VAT1L: variants seen among roughly 807,000 people sequenced by gnomAD.
VAT1L encodes the protein vesicle amine transport 1 like.
VAT1L carries 34 observed loss-of-function variants against 44.1 expected under a neutral mutation model. That is an observed-to-expected ratio of 0.77 (90% CI 0.59 to 1.03). The LOEUF is 1.03. VAT1L is among the 50% of genes least tolerant of loss of function. The pLI is 0.00. For synonymous variants in VAT1L, 253 were observed against 202.2 expected (o/e 1.25, Z -2.13); for missense variants, 615 against 538.8 (o/e 1.14, Z -1.40).
intron 7 of VAT1L, among the ~76,000 whole-genome samples, chr16:77,971,049 C>T (rs902849054): frequency 2.0e-5 from 3 of 151,854 alleles, no homozygotes; most frequent in East Asian, 1.9e-4. Context: ...TGCATTTCCA[C>T]GCAGATTTCA....
intron 7 of VAT1L, among the ~76,000 whole-genome samples, chr16:77,934,846 C>G (rs2017773727): frequency 2.0e-5 from 3 of 152,156 alleles, no homozygotes; most frequent in African/African-American, 7.2e-5. Context: ...GGTCTTATAT[C>G]AGACAATGGA....
chr16:77,864,669 T>C (rs911701655), intron 4 of VAT1L, among the ~76,000 whole-genome samples: 1 of 152,204 alleles, frequency 6.6e-6, no homozygotes, highest in Non-Finnish European at 1.5e-5. Flanking sequence ...GACAAGTGGA[T>C]GGGAGAGCTG....
At chr16:77,838,291 T>C (rs987107406) in intron 3 of VAT1L, among the ~76,000 whole-genome samples, 3 of 152,180 alleles carry the variant, frequency 2.0e-5, no homozygotes, top group Non-Finnish European at 4.4e-5. Flanking sequence ...ATTGCCTTTA[T>C]TAAGAAGAAA....
rs1310706617 is a variant in VAT1L at position 77,878,510 on chromosome 16, A to C, written c.827-659A>C. ...ATAAAGGGTCTTTACTCTCCGTATG[A>C]GAATCTTAGGGAATCTTTCCCAACT... is the stretch of plus-strand genomic sequence containing the variant. On this transcript the variant is annotated intron_variant, in intron 5 of 8. Transcript: ENST00000302536. 4.6e-5 allele frequency among the ~76,000 whole-genome samples: 7 copies of C among 150,896 alleles called. 1 individual carries two copies. Among genetic ancestry groups the C allele is most frequent in the African/African-American group, 1.7e-4 (7 of 40,918 alleles).
At chr16:77,826,488 T>C (rs2016524784) in intron 3 of VAT1L, among the ~76,000 whole-genome samples, 1 of 152,228 alleles carries the variant, frequency 6.6e-6, no homozygotes, top group Non-Finnish European at 1.5e-5. Context: ...TAAACCTAAG[T>C]ACATTCATGA....
At chr16:77,856,627 G>T (rs1296666798) in intron 3 of VAT1L, among the ~76,000 whole-genome samples, 1 of 152,206 alleles carries the variant, frequency 6.6e-6, no homozygotes, top group African/African-American at 2.4e-5. Context: ...CAGCTCCCTT[G>T]TTACCACAGT....
chr16:77,899,951 G>C lies in VAT1L; in HGVS notation c.1077+15149G>C, dbSNP rs116461191. Among the ~76,000 whole-genome samples the C allele has an allele frequency of 4.1e-3, 628 of 152,244 alleles. 5 individuals carry two copies. Among genetic ancestry groups the C allele is most frequent in the African/African-American group, 0.015 (603 of 41,544 alleles). On this transcript the variant is annotated intron_variant, in intron 7 of 8. Coordinates refer to ENST00000302536, the MANE Select transcript of VAT1L (RefSeq NM_020927.3). ...AATTTCATTGCATTTTTATTGTTTG[G>C]CAGTTGGACATACTCCACATGAGCA...
chr16:77,967,349 C>G (rs941017969), intron 7 of VAT1L, among the ~76,000 whole-genome samples: 4 of 152,314 alleles, frequency 2.6e-5, no homozygotes, highest in African/African-American at 9.6e-5. Context: ...CTGATGCAGA[C>G]ACTTCTAAGA....
At chr16:77,820,384 C>T (rs1202745880) in intron 2 of VAT1L, among the ~76,000 whole-genome samples, 1 of 152,186 alleles carries the variant, frequency 6.6e-6, no homozygotes, top group East Asian at 1.9e-4. Flanking sequence ...CCCCTAAAAT[C>T]AGCAAAAACA....
intron 1 of VAT1L, among the ~76,000 whole-genome samples, chr16:77,805,855 T>C (rs7189689): frequency 0.017 from 2,446 of 147,286 alleles, 84 homozygotes; most frequent in African/African-American, 0.058. Flanking sequence ...ATTTTTTCCT[T>C]AGTCTCTGCC....
chr16:77,905,895 G>A (rs1229373071), intron 7 of VAT1L, among the ~76,000 whole-genome samples: 5 of 152,164 alleles, frequency 3.3e-5, no homozygotes, highest in African/African-American at 1.2e-4. Context: ...GATCTAGGAG[G>A]TTTACGCTTA....
At chr16:77,819,712 T>C (rs1167822377) in intron 2 of VAT1L, among the ~76,000 whole-genome samples, 1 of 152,222 alleles carries the variant, frequency 6.6e-6, no homozygotes, top group Non-Finnish European at 1.5e-5. Context: ...ATTCACTAAT[T>C]GGTCTTCACC....
At chr16:77,947,437 G>A (rs1235184701) in intron 7 of VAT1L, among the ~76,000 whole-genome samples, 2 of 152,118 alleles carry the variant, frequency 1.3e-5, no homozygotes, top group African/African-American at 4.8e-5. Context: ...TCAAATCTTG[G>A]TCTCACCCCG....
rs191359154 is a variant in VAT1L, at chr16:77,897,218, T to C, written c.1077+12416T>C. 4.5e-3 allele frequency among the ~76,000 whole-genome samples: 687 copies of C among 152,334 alleles called. 5 individuals carry two copies. The highest frequency in any genetic ancestry group is 6.2e-3 in the Non-Finnish European group (425 of 68,022). On this transcript the variant is annotated intron_variant, in intron 7 of 8. Coordinates refer to ENST00000302536, the MANE Select transcript of VAT1L (RefSeq NM_020927.3). ...CACATCCTGGCAGATAAACATGCTG[T>C]GGATATTACCACTACCCCCACCTCT...
chr16:77,884,101 C>T lies in VAT1L; in HGVS notation c.883-507C>T, dbSNP rs2017183129. ...GCTCTCTCTCCCACTTAGACCTGAG[C>T]GTCTCATAAGCATCAATGTCTATTG... On this transcript the variant is annotated intron_variant, in intron 6 of 8. Transcript: ENST00000302536. This position sits in a 1 kb window ranked among gnomAD's most constrained non-coding sequence, Gnocchi z 4.5. 6.6e-6 allele frequency among the ~76,000 whole-genome samples: 1 copy of T among 152,144 alleles called. No individual in the cohort carries two copies. Among genetic ancestry groups the T allele is most frequent in the Non-Finnish European group, 1.5e-5 (1 of 68,036 alleles).
At chr16:77,875,114 AC>A (rs1239266989) in intron 4 of VAT1L, among the ~76,000 whole-genome samples, 11 of 152,184 alleles carry the variant, frequency 7.2e-5, no homozygotes, top group Non-Finnish European at 2.9e-5. Context: ...TTAAGAGGAC[AC>A]CCCTGTGCAG....
intron 7 of VAT1L, among the ~76,000 whole-genome samples, chr16:77,905,631 G>A (rs2142480110): frequency 6.6e-6 from 1 of 152,254 alleles, no homozygotes; most frequent in East Asian, 1.9e-4. Flanking sequence ...TAGGTTGGCA[G>A]CCTTCCCTGC....
At chr16:77,935,563 GC>G (rs1434856757) in intron 7 of VAT1L, among the ~76,000 whole-genome samples, 1 of 151,814 alleles carries the variant, frequency 6.6e-6, no homozygotes, top group East Asian at 1.9e-4. Flanking sequence ...GGGGGCGGTG[GC>G]GGGGAAGGGA....
At chr16:77,848,854 G>A (rs192410001) in intron 3 of VAT1L, among the ~76,000 whole-genome samples, 44 of 152,266 alleles carry the variant, frequency 2.9e-4, no homozygotes, top group African/African-American at 8.9e-4. Flanking sequence ...GGAATACCAT[G>A]CAGCCATAAA....
Sources: allele counts gnomAD v4.1 joint callset (sites outside exome capture counted in the v4.1 genomes callset), GRCh38; gene constraint gnomAD v4.1.1; non-coding constraint Gnocchi (gnomAD v3.1); transcripts MANE v1.5; gene names NCBI Gene and HGNC (gene_info 2026-07-23, HGNC 2026-07-21).